AHI1: variants seen among roughly 807,000 people sequenced by gnomAD.
The protein encoded by AHI1 is Abelson helper integration site 1.
AHI1 carries 123 observed loss-of-function variants against 149.3 expected under a neutral mutation model. That is an observed-to-expected ratio of 0.82 (90% CI 0.71 to 0.96). The LOEUF (loss-of-function observed/expected upper bound fraction) is 0.96, where lower values mean the gene tolerates loss of function less well. AHI1 is among the 40% of genes least tolerant of loss of function. The pLI is 0.00. For synonymous variants in AHI1, 475 were observed against 459.8 expected (o/e 1.03, Z -0.42); for missense variants, 1,439 against 1,422.7 (o/e 1.01, Z -0.18).
At chr6:135,393,790 A>G (rs938473732) in intron 23 of AHI1, among the ~76,000 whole-genome samples, 16 of 152,138 alleles carry the variant, frequency 1.1e-4, no homozygotes, top group African/African-American at 1.9e-4. Context: ...CATATGTGCA[A>G]TCTCATTTAA....
intron 5 of AHI1, among the ~76,000 whole-genome samples, chr6:135,483,485 G>A (rs1794034200): frequency 6.6e-6 from 1 of 152,054 alleles, no homozygotes; most frequent in Admixed American, 6.6e-5. Context: ...AGTGAGAGAG[G>A]ATAAAATCAA....
At chr6:135,422,065 C>T (rs528654370) in intron 20 of AHI1, among the ~76,000 whole-genome samples, 1 of 152,118 alleles carries the variant, frequency 6.6e-6, no homozygotes, top group Non-Finnish European at 1.5e-5. Context: ...GTAGATGTAT[C>T]GTATGTACAT....
chr6:135,428,682 A>G lies in AHI1; in HGVS notation c.2570T>C (p.Phe857Ser). ...IHSTLTPCGT[F>S]LFAGSEDGIV... ...ACCATCCTCACTTCCAGCAAACAGA[A>G]AAGTCCCACATGGAGTCAAAGTACT... The change falls in exon 19 of 29, where the codon TTT (phenylalanine) becomes TCT (serine). Residue 857 changes from phenylalanine to serine, a missense_variant. Transcript: ENST00000265602. The G allele has an allele frequency of 1.9e-6, 3 of 1,609,242 alleles. No individual in the cohort carries two copies. The highest frequency in any genetic ancestry group is 2.5e-6 in the Non-Finnish European group (3 of 1,177,142).
At chr6:135,424,940 A>C (rs1483902878) in intron 20 of AHI1, among the ~76,000 whole-genome samples, 3 of 151,946 alleles carry the variant, frequency 2.0e-5, no homozygotes, top group African/African-American at 7.2e-5. Flanking sequence ...TATGAGCAAA[A>C]TATTCCTGTA....
intron 24 of AHI1, among the ~76,000 whole-genome samples, chr6:135,328,576 C>A (rs1042528200): frequency 1.3e-5 from 2 of 151,954 alleles, no homozygotes; most frequent in Non-Finnish European, 2.9e-5. Context: ...ACCCTCTTAC[C>A]CCCTACCACC....
chr6:135,368,026 C>T (rs944187580), intron 23 of AHI1, among the ~76,000 whole-genome samples: 2 of 152,154 alleles, frequency 1.3e-5, no homozygotes, highest in Admixed American at 1.3e-4. Context: ...TGTTCAGATT[C>T]TTCTGTCCCA....
chr6:135,402,053 T>C (rs1256603270), intron 22 of AHI1, among the ~76,000 whole-genome samples: 1 of 151,940 alleles, frequency 6.6e-6, no homozygotes, highest in Admixed American at 6.6e-5. Context: ...GAAAAAAAAG[T>C]ACAAATGGCA....
At chr6:135,427,764 C>T (rs1326419934) in intron 19 of AHI1, among the ~76,000 whole-genome samples, 2 of 151,118 alleles carry the variant, frequency 1.3e-5, no homozygotes, top group Admixed American at 6.6e-5. Flanking sequence ...TTTGAGGTAC[C>T]CATTTGCTTG....
rs76991204 is a variant in AHI1, at chr6:135,319,657, G to A, written c.3329-1041C>T. ...TAAAGAGCTATGTGCAAATTTTAAA[G>A]GGTTAAAACAAAAATATATTTTGGT... On this transcript the variant is annotated intron_variant, in intron 25 of 28. Transcript: ENST00000265602. Among the ~76,000 whole-genome samples, 131 of 152,244 alleles carry A rather than the reference G, an allele frequency of 8.6e-4. No individual in the cohort carries two copies. The East Asian group carries it at 0.022, about 26-fold the overall frequency.
chr6:135,337,569 G>C (rs960384124), intron 24 of AHI1, among the ~76,000 whole-genome samples: 2 of 151,650 alleles, frequency 1.3e-5, no homozygotes, highest in Non-Finnish European at 2.9e-5. Context: ...GACCAACCTG[G>C]GCAACAAAGT....
chr6:135,490,537 T>A, intron 5 of AHI1, 86 bp downstream of exon 5: 1 of 1,520,806 alleles, frequency 6.6e-7, no homozygotes, highest in Non-Finnish European at 9.0e-7. Context: ...TTTTCAAAAT[T>A]CCTTAGAATT....
chr6:135,350,943 C>T (rs998026822), intron 24 of AHI1, among the ~76,000 whole-genome samples: 3 of 151,758 alleles, frequency 2.0e-5, no homozygotes, highest in Non-Finnish European at 4.4e-5. Context: ...GGAGGTTATC[C>T]CATTCTGACT....
At chr6:135,437,705 G>A (rs1158881829) in intron 15 of AHI1, among the ~76,000 whole-genome samples, 1 of 152,124 alleles carries the variant, frequency 6.6e-6, no homozygotes, top group East Asian at 1.9e-4. Context: ...AGAGAATAAT[G>A]TCTTACCTAA....
intron 20 of AHI1, among the ~76,000 whole-genome samples, chr6:135,421,727 G>A (rs1361357073): frequency 6.6e-6 from 1 of 152,052 alleles, no homozygotes; most frequent in Non-Finnish European, 1.5e-5. Context: ...ATCAAGTTAA[G>A]TTTTCCATAT....
chr6:135,444,341 G>C (rs950299401), intron 13 of AHI1, among the ~76,000 whole-genome samples: 2 of 152,060 alleles, frequency 1.3e-5, no homozygotes, highest in African/African-American at 4.8e-5. Flanking sequence ...TCACAATCAA[G>C]TATTAGGCTA....
chr6:135,332,836 C>T (rs901710996), intron 24 of AHI1, among the ~76,000 whole-genome samples: 5 of 152,208 alleles, frequency 3.3e-5, no homozygotes, highest in East Asian at 1.9e-4. Flanking sequence ...TTTCTCCCCC[C>T]GTTCCTTCTC....
chr6:135,467,681 G>C, intron 5 of AHI1, 47 bp from the exon 6 acceptor site: 1 of 1,376,944 alleles, frequency 7.3e-7, no homozygotes, highest in Non-Finnish European at 1.0e-6. Flanking sequence ...TAGATTAGTT[G>C]TATCAAGAAA....
At chr6:135,451,827 A>T (rs1194852574) in intron 11 of AHI1, among the ~76,000 whole-genome samples, 1 of 151,514 alleles carries the variant, frequency 6.6e-6, no homozygotes, top group East Asian at 1.9e-4. Context: ...TTACTATGTG[A>T]AAGTGAGTTT....
chr6:135,328,335 A>AT (rs1280697978), intron 24 of AHI1, among the ~76,000 whole-genome samples: 1 of 152,108 alleles, frequency 6.6e-6, no homozygotes, highest in African/African-American at 2.4e-5. Flanking sequence ...TATCAAGGCC[A>AT]TTTTTTTCCA....
Sources: gnomAD v4.1 joint callset for allele counts (sites outside exome capture counted in the v4.1 genomes callset) on GRCh38, gnomAD v4.1.1 for gene constraint, MANE v1.5 for transcripts, NCBI Gene and HGNC (gene_info 2026-07-23, HGNC 2026-07-21) for gene names.